UNC13C: variants seen among roughly 807,000 people sequenced by gnomAD.
The protein encoded by UNC13C is protein unc-13 homolog C.
UNC13C carries 174 observed loss-of-function variants against 245.4 expected under a neutral mutation model. The ratio of observed to expected loss-of-function variants is 0.71; its 90% CI spans 0.63 to 0.80. The LOEUF (loss-of-function observed/expected upper bound fraction) is 0.80, where lower values mean the gene tolerates loss of function less well. Ranked by LOEUF, UNC13C falls within the 30% of genes least tolerant of loss-of-function variation. The pLI is 0.00. For missense variants in UNC13C, 2,829 were observed against 2,602.9 expected, an observed-to-expected ratio of 1.09 and a Z score of -1.89; for synonymous variants, 992 against 895.1, an observed-to-expected ratio of 1.11 and a Z score of -1.93.
chr15:54,377,198 T>A (rs140938266), intron 17 of UNC13C, among the ~76,000 whole-genome samples: 1 of 152,192 alleles, frequency 6.6e-6, no homozygotes, highest in Non-Finnish European at 1.5e-5. Context: ...GGCTGTATTT[T>A]AAGAGCACAT....
chr15:53,853,438 A>G, the UNC13C span, among the ~76,000 whole-genome samples: 1 of 152,080 alleles, frequency 6.6e-6, no homozygotes, highest in Non-Finnish European at 1.5e-5. Context: ...TGTCCTTGCT[A>G]TTGTGAATAG....
chr15:53,891,372 A>G, the UNC13C span, among the ~76,000 whole-genome samples: 2 of 152,186 alleles, frequency 1.3e-5, no homozygotes, highest in African/African-American at 2.4e-5. Context: ...GTGCATATCT[A>G]TTAGGTCCAC....
intron 2 of UNC13C, among the ~76,000 whole-genome samples, chr15:54,057,555 G>C (rs1461459861): frequency 6.6e-6 from 1 of 151,936 alleles, no homozygotes; most frequent in African/African-American, 2.4e-5. Context: ...AGATCAACAA[G>C]ACAGAAAGTT....
chr15:54,059,713 A>T (rs1404428179), intron 2 of UNC13C, among the ~76,000 whole-genome samples: 1 of 152,204 alleles, frequency 6.6e-6, no homozygotes, highest in Non-Finnish European at 1.5e-5. Flanking sequence ...CTGACTTCAA[A>T]CTATACTGCA....
At chr15:53,955,887 C>A in the UNC13C span, 1 of 152,278 alleles carries the variant, frequency 6.6e-6, no homozygotes. Flanking sequence ...CCTATGTTCA[C>A]CACAGCACAA....
intron 19 of UNC13C, among the ~76,000 whole-genome samples, chr15:54,452,385 G>T (rs1314619176): frequency 1.3e-5 from 2 of 152,152 alleles, no homozygotes. Context: ...CATCTGCACT[G>T]GTGTTGAACA....
chr15:54,119,291 T>G (rs1823180180), intron 2 of UNC13C, among the ~76,000 whole-genome samples: 1 of 152,052 alleles, frequency 6.6e-6, no homozygotes, highest in African/African-American at 2.4e-5. Flanking sequence ...CAGTCTCACT[T>G]CATGTCTCTG....
chr15:54,157,501 A>G lies in UNC13C; in HGVS notation c.3071+13817A>G, dbSNP rs7178000. Among the ~76,000 whole-genome samples the G allele has an allele frequency of 4.4e-3, 676 of 152,268 alleles. 43 individuals are homozygous for G. In the East Asian group the frequency reaches 0.089, roughly 20 times the overall value. On this transcript the variant is annotated intron_variant, in intron 4 of 32. Coordinates refer to ENST00000260323, the MANE Select transcript of UNC13C (RefSeq NM_001080534.3). ...GTAAATCCTTGCTCATGGTGATCAG[A>G]GGTAGGGTTTCTTGGAACTGGGGAG...
intron 2 of UNC13C, among the ~76,000 whole-genome samples, chr15:54,077,482 G>A (rs1177305792): frequency 2.2e-5 from 3 of 136,482 alleles, no homozygotes; most frequent in Admixed American, 1.7e-4. Flanking sequence ...AGGTTCAAGG[G>A]ATTCTCCTGC....
chr15:54,532,025 G>A (rs1468488302), intron 25 of UNC13C, among the ~76,000 whole-genome samples: 2 of 148,748 alleles, frequency 1.3e-5, no homozygotes, highest in Non-Finnish European at 3.0e-5. Flanking sequence ...CATTTTTCTT[G>A]TAAATTTATG....
At chr15:54,079,986 A>G in intron 2 of UNC13C, among the ~76,000 whole-genome samples, 1 of 135,772 alleles carries the variant, frequency 7.4e-6, no homozygotes, top group African/African-American at 2.6e-5. Context: ...TACTTCCTTC[A>G]AGGCCTGGTT....
chr15:54,231,988 C>T (rs1344076165), intron 4 of UNC13C, among the ~76,000 whole-genome samples: 1 of 152,060 alleles, frequency 6.6e-6, no homozygotes, highest in African/African-American at 2.4e-5. Context: ...TGGTAAGAAG[C>T]CTCCCAATAA....
At chr15:54,116,555 C>G (rs1210245119) in intron 2 of UNC13C, among the ~76,000 whole-genome samples, 1 of 152,112 alleles carries the variant, frequency 6.6e-6, no homozygotes, top group African/African-American at 2.4e-5. Context: ...TAGCATATTT[C>G]AGTAATCATA....
intron 30 of UNC13C, among the ~76,000 whole-genome samples, chr15:54,577,254 A>G (rs553129789): frequency 6.6e-6 from 1 of 152,288 alleles, no homozygotes; most frequent in Admixed American, 6.5e-5. Context: ...AGTCTGTTAC[A>G]TGAAACTCAA....
chr15:54,240,580 A>G (rs1002467724), intron 7 of UNC13C, among the ~76,000 whole-genome samples: 27 of 152,328 alleles, frequency 1.8e-4, no homozygotes, highest in African/African-American at 6.5e-4. Flanking sequence ...ACAGTGGGTC[A>G]CCTAGCACTG....
intron 8 of UNC13C, among the ~76,000 whole-genome samples, chr15:54,258,651 G>A (rs2036343943): frequency 6.6e-6 from 1 of 152,108 alleles, no homozygotes; most frequent in Non-Finnish European, 1.5e-5. Flanking sequence ...TTACAGATGT[G>A]AGCCACCACT....
At chr15:53,945,949 T>C in the UNC13C span, among the ~76,000 whole-genome samples, 1 of 152,178 alleles carries the variant, frequency 6.6e-6, no homozygotes, top group Non-Finnish European at 1.5e-5. Flanking sequence ...TCTCTCATTG[T>C]AGAGATCTTT....
chr15:53,973,935 G>A (rs1336893035), upstream of UNC13C, among the ~76,000 whole-genome samples: 2 of 152,070 alleles, frequency 1.3e-5, no homozygotes, highest in African/African-American at 4.8e-5. Flanking sequence ...TATTATGCTT[G>A]TATAAGTAAA....
intron 30 of UNC13C, among the ~76,000 whole-genome samples, chr15:54,600,588 A>G: frequency 6.6e-6 from 1 of 152,144 alleles, no homozygotes; most frequent in East Asian, 1.9e-4. Flanking sequence ...GTGAATACAC[A>G]TTATAATTCA....
Sources: allele counts gnomAD v4.1 joint callset (sites outside exome capture counted in the v4.1 genomes callset), GRCh38; gene constraint gnomAD v4.1.1; transcripts MANE v1.5; gene names NCBI Gene and HGNC (gene_info 2026-07-23, HGNC 2026-07-21).